CYFIP1: variants seen among roughly 807,000 people sequenced by gnomAD.
The protein encoded by CYFIP1 is cytoplasmic FMR1-interacting protein 1.
Under a neutral mutation model 163.5 loss-of-function variants are expected in CYFIP1, and 58 were observed. That is an observed-to-expected ratio of 0.35 (90% CI 0.29 to 0.44). The LOEUF (loss-of-function observed/expected upper bound fraction) is 0.44, where lower values mean the gene tolerates loss of function less well. CYFIP1 is among the 20% of genes least tolerant of loss of function. The pLI, the probability that CYFIP1 is intolerant of heterozygous loss-of-function variation, is 1.00. For synonymous variants in CYFIP1, 663 were observed against 660.7 expected (o/e 1.00, Z -0.05); for missense variants, 1,338 against 1,653.8 (o/e 0.81, Z 3.31).
intron 1 of CYFIP1, among the ~76,000 whole-genome samples, chr15:22,968,267 T>C (rs181608661): frequency 2.4e-4 from 37 of 152,336 alleles, no homozygotes; most frequent in African/African-American, 7.7e-4. Context: ...CCAACTCCAA[T>C]CTAAACATTG....
intron 1 of CYFIP1, among the ~76,000 whole-genome samples, 155 bp downstream of exon 1, chr15:22,980,132 G>A (rs1351661576): frequency 6.9e-6 from 1 of 144,440 alleles, no homozygotes; most frequent in African/African-American, 2.5e-5. Context: ...GGACGATCCC[G>A]GAGGCCGCGC....
chr15:22,941,870 C>T (rs2061903455), intron 6 of CYFIP1, among the ~76,000 whole-genome samples: 1 of 152,174 alleles, frequency 6.6e-6, no homozygotes, highest in South Asian at 2.1e-4. Context: ...TGAAAACCAC[C>T]TCCCCCATTT....
In CYFIP1 at chr15:22,892,878, A is replaced by G. The variant is rs2060118916; in HGVS notation, c.2676+12T>C. 1.9e-6 allele frequency: 3 copies of G among 1,598,728 alleles called. No individual in the cohort carries two copies. The highest frequency in any genetic ancestry group is 2.6e-6 in the Non-Finnish European group (3 of 1,166,626). On this transcript the variant is annotated intron_variant, in intron 23 of 30. Coordinates refer to ENST00000617928, the MANE Select transcript of CYFIP1 (RefSeq NM_014608.6). ...AGCTTCAAGCTCGTAACACGAACAC[A>G]TTGGAGCCTACCTTGGATCCATGCA...
intron 13 of CYFIP1, 121 bp downstream of exon 13, chr15:22,925,861 G>A: frequency 7.1e-7 from 1 of 1,411,020 alleles, no homozygotes; most frequent in Non-Finnish European, 9.7e-7. Flanking sequence ...CAGATGGAAA[G>A]GGGTGCCCAC....
chr15:22,926,407 T>C (rs2061358728), intron 12 of CYFIP1, among the ~76,000 whole-genome samples: 1 of 152,288 alleles, frequency 6.6e-6, no homozygotes, highest in East Asian at 1.9e-4. Flanking sequence ...GCACAGTGGC[T>C]CATGCCTATG....
chr15:22,951,185 G>C (rs2062237110), intron 1 of CYFIP1, among the ~76,000 whole-genome samples: 1 of 152,166 alleles, frequency 6.6e-6, no homozygotes, highest in African/African-American at 2.4e-5. Context: ...GGAAATGAGG[G>C]AGAACAGAGG....
intron 14 of CYFIP1, 97 bp from the exon 15 acceptor site, chr15:22,918,032 C>T (rs779033189): frequency 6.6e-5 from 91 of 1,386,170 alleles, no homozygotes; most frequent in Non-Finnish European, 8.9e-5. Flanking sequence ...GCTCTCAGAA[C>T]AGCCCCCATG....
chr15:22,936,782 C>A (rs1420573786), intron 9 of CYFIP1, among the ~76,000 whole-genome samples: 1 of 152,206 alleles, frequency 6.6e-6, no homozygotes, highest in African/African-American at 2.4e-5. Flanking sequence ...AACTACACCA[C>A]AACCGAAAGC....
chr15:22,955,219 GT>G (rs1401958229), intron 1 of CYFIP1, among the ~76,000 whole-genome samples: 12 of 152,236 alleles, frequency 7.9e-5, no homozygotes. Flanking sequence ...GTCTCAAGAA[GT>G]GGTCCTCACA....
intron 9 of CYFIP1, among the ~76,000 whole-genome samples, chr15:22,934,964 G>C (rs1447993063): frequency 6.6e-6 from 1 of 152,132 alleles, no homozygotes. Flanking sequence ...TCAGTAAATG[G>C]AGAAATGATC....
At chr15:22,974,201 G>A (rs866995796) in intron 1 of CYFIP1, among the ~76,000 whole-genome samples, 8 of 152,070 alleles carry the variant, frequency 5.3e-5, no homozygotes, top group Non-Finnish European at 7.4e-5. Context: ...AATGAAATCC[G>A]TATGTCCAAG....
intron 5 of CYFIP1, 61 bp downstream of exon 5, chr15:22,944,497 G>T: frequency 1.8e-6 from 2 of 1,108,708 alleles, no homozygotes; most frequent in Non-Finnish European, 2.7e-6. Flanking sequence ...GTGATGGGTA[G>T]GAAGGGGTCA....
chr15:22,932,237 A>G lies in CYFIP1; in HGVS notation c.1096T>C (p.Tyr366His), dbSNP rs777626641. ...HMRFISELAR[Y>H]SNSEVVTGSG... is the part of the protein sequence containing the mutation. ...GCGGGGCGCACCTCGCTGTTGCTGT[A>G]GCGCGCCAGCTCCGAAATGAAGCGC... Residue 366 changes from tyrosine to histidine, a missense_variant, in exon 11 of 31, where the codon TAC becomes CAC. Around this residue, in one of 4 missense-constraint regions of CYFIP1, gnomAD observed 824 missense variants for 995.7 expected, o/e 0.83. Transcript: ENST00000617928. 3 of 1,610,628 alleles carry G rather than the reference A, an allele frequency of 1.9e-6. No individual in the cohort carries two copies. The Admixed American group carries it at 5.0e-5, about 27-fold the overall frequency.
At chr15:22,907,275 C>T (rs920371772) in intron 21 of CYFIP1, among the ~76,000 whole-genome samples, 4 of 152,198 alleles carry the variant, frequency 2.6e-5, no homozygotes, top group Non-Finnish European at 5.9e-5. Context: ...CTCCTTGACT[C>T]CAATGGTGCC....
At chr15:22,882,295 G>A (rs1361611039) in intron 24 of CYFIP1, among the ~76,000 whole-genome samples, 2 of 152,204 alleles carry the variant, frequency 1.3e-5, no homozygotes, top group Admixed American at 6.5e-5. Context: ...GCTCCTGGGT[G>A]CGGCCCCAGG....
intron 1 of CYFIP1, among the ~76,000 whole-genome samples, chr15:22,950,625 G>C (rs994223999): frequency 1.3e-5 from 2 of 152,202 alleles, no homozygotes; most frequent in African/African-American, 4.8e-5. Context: ...CAAACACTCC[G>C]TAAGTTTTAA....
intron 1 of CYFIP1, among the ~76,000 whole-genome samples, chr15:22,963,524 CAT>C (rs2062771383): frequency 6.9e-6 from 1 of 145,434 alleles, no homozygotes; most frequent in South Asian, 2.2e-4. Context: ...CATAACATAA[CAT>C]AACATAACAT....
chr15:22,922,585 T>A (rs1469188126), intron 13 of CYFIP1, among the ~76,000 whole-genome samples: 1 of 152,152 alleles, frequency 6.6e-6, no homozygotes, highest in Non-Finnish European at 1.5e-5. Context: ...GTCAGGGGGA[T>A]GGAGGGTGGT....
intron 12 of CYFIP1, 38 bp downstream of exon 12, chr15:22,927,868 A>G: frequency 1.3e-6 from 2 of 1,556,862 alleles, no homozygotes; most frequent in East Asian, 4.8e-5. Flanking sequence ...TGCCCGAGGC[A>G]GCTTTGGAGC....
Sources: allele counts gnomAD v4.1 joint callset (sites outside exome capture counted in the v4.1 genomes callset), GRCh38; gene constraint gnomAD v4.1.1; regional missense constraint gnomAD v4.1.1; transcripts MANE v1.5; gene names NCBI Gene and HGNC (gene_info 2026-07-23, HGNC 2026-07-21).